The following SHANK2 variants were observed in gnomAD, a reference collection of about 807,000 sequenced individuals.
The protein encoded by SHANK2 is SH3 and multiple ankyrin repeat domains protein 2.
Under a neutral mutation model 133.7 loss-of-function variants are expected in SHANK2, and 43 were observed. The ratio of observed to expected loss-of-function variants is 0.32; its 90% CI spans 0.25 to 0.41. The LOEUF (loss-of-function observed/expected upper bound fraction) is 0.41, where lower values mean the gene tolerates loss of function less well. SHANK2 is among the 10% of genes least tolerant of loss of function. The pLI is 1.00. For synonymous variants in SHANK2, 1,017 were observed against 952.8 expected (o/e 1.07, Z -1.24); for missense variants, 1,994 against 2,235.8 (o/e 0.89, Z 2.18).
intron 15 of SHANK2, chr11:70,662,094 C>T (rs1944563046): frequency 6.7e-6 from 3 of 444,680 alleles, no homozygotes; most frequent in Admixed American, 7.0e-5. Context: ...TGAGCTCCTC[C>T]GGCTTGTCCC....
intron 11 of SHANK2, among the ~76,000 whole-genome samples, chr11:70,821,561 G>A (rs1421742116): frequency 6.6e-6 from 1 of 152,082 alleles, no homozygotes; most frequent in Non-Finnish European, 1.5e-5. Context: ...AAGTAGCTGG[G>A]ATTACAGGTG....
At chr11:71,073,434 A>G (rs1389226466) in intron 9 of SHANK2, among the ~76,000 whole-genome samples, 2 of 151,574 alleles carry the variant, frequency 1.3e-5, no homozygotes, top group African/African-American at 4.8e-5. Context: ...CTGGGCTTAC[A>G]GGAGTGAGCC....
intron 10 of SHANK2, among the ~76,000 whole-genome samples, chr11:70,924,582 G>A (rs1278011716): frequency 4.6e-5 from 7 of 152,086 alleles, no homozygotes; most frequent in African/African-American, 7.2e-5. Context: ...TCAGCCTCCC[G>A]AGTAGCTGGG....
intron 17 of SHANK2, among the ~76,000 whole-genome samples, chr11:70,519,905 ATTTT>A (rs781977357): frequency 8.2e-6 from 1 of 121,468 alleles, no homozygotes. Context: ...ACCATGCCTA[ATTTT>A]TTTTTTTTTT....
In SHANK2 at chr11:71,118,873, G is replaced by A. The variant is rs367713202; in HGVS notation, c.367C>T (p.Arg123Cys). 1.5e-5 allele frequency: 24 copies of A among 1,551,564 alleles called. No homozygotes were observed. Among genetic ancestry groups the A allele is most frequent in the South Asian group, 7.1e-5 (6 of 84,062 alleles). The change falls in exon 4 of 26, where the codon CGC (arginine) becomes TGC (cysteine). Residue 123 changes from arginine to cysteine, a missense_variant. By Grantham distance (180) the Arg-to-Cys change is radical. Around this residue, in one of 5 missense-constraint regions of SHANK2, gnomAD observed 653 missense variants for 563.4 expected, o/e 1.16. Transcript: ENST00000601538. ...TCACCCACGGGCTGTGGGTACTCGC[G>A]CAGGAGCCGCTCCTCATCCAGGAAC... is the stretch of plus-strand genomic sequence containing the variant. Reference protein sequence around the residue: ...GKFLDEERLLREYPQPVGEGV... With the variant: ...GKFLDEERLLCEYPQPVGEGV...
intron 17 of SHANK2, among the ~76,000 whole-genome samples, chr11:70,598,927 A>G (rs1272410186): frequency 1.5e-4 from 4 of 26,006 alleles, no homozygotes; most frequent in African/African-American, 1.1e-3. Flanking sequence ...GCTGCATGTC[A>G]AAAAAAAAAA....
At chr11:70,799,938 C>T (rs1404805915) in intron 13 of SHANK2, among the ~76,000 whole-genome samples, 1 of 152,206 alleles carries the variant, frequency 6.6e-6, no homozygotes, top group Non-Finnish European at 1.5e-5. Context: ...AGGACCCCGC[C>T]GGTCCCCATG....
intron 6 of SHANK2, among the ~76,000 whole-genome samples, chr11:71,101,546 C>T (rs1951716487): frequency 6.6e-6 from 1 of 152,248 alleles, no homozygotes; most frequent in African/African-American, 2.4e-5. Flanking sequence ...GCACCTCTCA[C>T]CCTCTGCAGA....
chr11:70,542,762 C>G (rs1450486762), intron 17 of SHANK2, among the ~76,000 whole-genome samples: 1 of 152,222 alleles, frequency 6.6e-6, no homozygotes, highest in Non-Finnish European at 1.5e-5. Flanking sequence ...CACAAGACAA[C>G]CTGATCACGC....
Position 71,198,627 on chromosome 11 carries a change from A to G in SHANK2, c.-13+26070T>C, listed in dbSNP as rs1321850590. On this transcript the variant is annotated intron_variant, in intron 2 of 25. Transcript: ENST00000601538. The stretch of plus-strand genomic sequence containing the variant: ...CGCCGTCCCCTACCAACCCCCATCC[A>G]TGGCTGACTCCACACCACACTGGGG... Among the ~76,000 whole-genome samples the G allele has an allele frequency of 2.0e-5, 3 of 152,002 alleles. No homozygotes were observed. In the East Asian group the frequency reaches 5.8e-4, roughly 29 times the overall value.
chr11:70,790,608 G>T (rs188544381), intron 14 of SHANK2, among the ~76,000 whole-genome samples: 2 of 152,344 alleles, frequency 1.3e-5, no homozygotes, highest in Admixed American at 1.3e-4. Flanking sequence ...CCAGGCTGCT[G>T]GACTGCCCAG....
intron 8 of SHANK2, among the ~76,000 whole-genome samples, chr11:71,079,781 T>G: frequency 1.6e-4 from 18 of 112,016 alleles, no homozygotes; most frequent in Non-Finnish European, 1.7e-4. Flanking sequence ...AAAGAGAGAG[T>G]AAGAAAGAGA....
intron 17 of SHANK2, among the ~76,000 whole-genome samples, chr11:70,585,047 C>T (rs1300082022): frequency 3.3e-5 from 5 of 152,220 alleles, no homozygotes; most frequent in African/African-American, 1.2e-4. Flanking sequence ...GGCTTGGATG[C>T]ACTGGATTTT....
At position 71,116,690 on chromosome 11, in the gene SHANK2, G is replaced by A. The variant is rs547040139; in HGVS notation, c.411+2139C>T. Among the ~76,000 whole-genome samples, 8 of 152,362 alleles carry A rather than the reference G, an allele frequency of 5.3e-5. No individual in the cohort carries two copies. In the South Asian group the frequency reaches 1.7e-3, roughly 32 times the overall value. On this transcript the variant is annotated intron_variant, in intron 4 of 25. Coordinates refer to ENST00000601538, the MANE Select transcript of SHANK2 (RefSeq NM_012309.5). ...ACTGTGTGTCCCCTCCAAACCTCAT[G>A]TTCAAATGTGATCACCGGTGTTGGA...
chr11:70,735,220 G>T (rs901377274), intron 14 of SHANK2, among the ~76,000 whole-genome samples: 1 of 152,210 alleles, frequency 6.6e-6, no homozygotes, highest in Non-Finnish European at 1.5e-5. Context: ...GGACAGAGGC[G>T]CACCTTGTGA....
At chr11:70,644,071 C>G (rs145111824) in intron 17 of SHANK2, among the ~76,000 whole-genome samples, 227 of 152,312 alleles carry the variant, frequency 1.5e-3, no homozygotes, top group African/African-American at 5.3e-3. Context: ...CATGCTGGGA[C>G]TTGCCCCAGA....
chr11:70,776,297 A>T (rs1328767888), intron 14 of SHANK2, among the ~76,000 whole-genome samples: 1 of 152,164 alleles, frequency 6.6e-6, no homozygotes, highest in Non-Finnish European at 1.5e-5. Flanking sequence ...CCAAGCCCCA[A>T]CCCCATTCCT....
At position 70,487,784 on chromosome 11, in the gene SHANK2, C is replaced by T. The variant is rs782730186; in HGVS notation, c.2573-64G>A. The T allele has an allele frequency of 1.5e-5, 24 of 1,549,610 alleles. No individual in the cohort carries two copies. Among genetic ancestry groups the T allele is most frequent in the South Asian group, 8.4e-5 (7 of 83,766 alleles). On this transcript the variant is annotated intron_variant, in intron 24 of 25. Transcript: ENST00000601538. The surrounding 1 kb of genome is among the most constrained non-coding windows in gnomAD (Gnocchi z 5.8). ...GCAACAAAGCCTAAGTTCCTAGGAA[C>T]GTGCGATACGCTACATCTCCACAAA... is the stretch of plus-strand genomic sequence containing the variant.
intron 11 of SHANK2, among the ~76,000 whole-genome samples, chr11:70,851,700 T>A (rs1949089230): frequency 6.6e-6 from 1 of 152,172 alleles, no homozygotes; most frequent in Non-Finnish European, 1.5e-5. Context: ...ACTTAGGATT[T>A]TTAGTTACTC....
Sources: gnomAD v4.1 joint callset for allele counts (sites outside exome capture counted in the v4.1 genomes callset) on GRCh38, gnomAD v4.1.1 for gene constraint, gnomAD v4.1.1 regional missense constraint, Gnocchi (gnomAD v3.1) non-coding constraint, MANE v1.5 for transcripts, NCBI Gene and HGNC (gene_info 2026-07-23, HGNC 2026-07-21) for gene names.